The following TDP1 variants were observed in gnomAD, a reference collection of about 807,000 sequenced individuals.
The protein encoded by TDP1 is tyr-DNA phosphodiesterase 1.
Under a neutral mutation model 81.5 loss-of-function variants are expected in TDP1, and 64 were observed. That is an observed-to-expected ratio of 0.79 (90% CI 0.64 to 0.97). The LOEUF (loss-of-function observed/expected upper bound fraction) is 0.97, where lower values mean the gene tolerates loss of function less well. Ranked by LOEUF, TDP1 falls within the 50% of genes least tolerant of loss-of-function variation. The pLI is 0.00. For synonymous variants in TDP1, 256 were observed against 264.3 expected, an observed-to-expected ratio of 0.97 and a Z score of 0.30; for missense variants, 723 against 743.8, an observed-to-expected ratio of 0.97 and a Z score of 0.33.
At chr14:90,010,390 T>C (rs1425519278) in intron 14 of TDP1, among the ~76,000 whole-genome samples, 5 of 152,222 alleles carry the variant, frequency 3.3e-5, no homozygotes, top group Non-Finnish European at 5.9e-5. Context: ...GGCAGAATAA[T>C]GGCCACCCAA....
At chr14:89,984,774 G>C in intron 9 of TDP1, 91 bp downstream of exon 9, 1 of 1,600,610 alleles carries the variant, frequency 6.2e-7, no homozygotes, top group Non-Finnish European at 8.5e-7. Context: ...CTGGAAAGAG[G>C]TGGGGTGAAA....
chr14:90,034,097 T>C (rs1034600795), intron 16 of TDP1, among the ~76,000 whole-genome samples: 3 of 152,140 alleles, frequency 2.0e-5, no homozygotes, highest in African/African-American at 7.2e-5. Context: ...TATGACAATT[T>C]CCAAAAAGAA....
chr14:89,989,306 G>A lies in TDP1; in HGVS notation c.1317+216G>A, dbSNP rs752014168. 543 of 984,996 alleles carry A rather than the reference G, an allele frequency of 5.5e-4. 1 individual carries two copies. Among genetic ancestry groups the A allele is most frequent in the Non-Finnish European group, 6.4e-4 (532 of 829,876 alleles). 61.0% of individuals were successfully genotyped at this position (984,996 alleles called of 1,614,324 possible). On this transcript the variant is annotated intron_variant, in intron 11 of 16. Coordinates refer to ENST00000335725, the MANE Select transcript of TDP1 (RefSeq NM_018319.4). Reference sequence around the variant, plus strand: ...TAATATCCAGTGCTAAGAGCTTGCCGATTCGTTCAGGAGCTCCATTGCAGA... The same window carrying A: ...TAATATCCAGTGCTAAGAGCTTGCCAATTCGTTCAGGAGCTCCATTGCAGA...
chr14:89,971,342 C>T (rs1234285698), intron 6 of TDP1, 71 bp downstream of exon 6: 2 of 1,137,654 alleles, frequency 1.8e-6, no homozygotes, highest in African/African-American at 1.5e-5. Flanking sequence ...TTTAGTCCAC[C>T]CTCTCACTTA....
At chr14:89,973,891 C>G (rs868577968) in intron 6 of TDP1, among the ~76,000 whole-genome samples, 1 of 152,044 alleles carries the variant, frequency 6.6e-6, no homozygotes, top group African/African-American at 2.4e-5. Flanking sequence ...TTATAGATGG[C>G]CACGTTCTCA....
chr14:89,975,538 A>G (rs1225417138), intron 6 of TDP1: 2 of 838,790 alleles, frequency 2.4e-6, no homozygotes, highest in African/African-American at 3.8e-5. Flanking sequence ...AAAATGTAGT[A>G]TATATTCTGT....
At position 89,963,509 on chromosome 14, in the gene TDP1, CTCCCGCCT is replaced by C. The variant is rs1291610728; in HGVS notation, c.396_403del (p.Ala134GlnfsTer10). On this transcript the variant is annotated frameshift_variant, in exon 3 of 17. Transcript: ENST00000335725. LOFTEE classifies it high-confidence loss of function. ...GCCCAAAGAACTGAAAATCATGGCG[CTCCCGCCT>C]GCCACAGGCTCAAAGAGGAGGAAGA... is the stretch of plus-strand genomic sequence containing the variant. The C allele has an allele frequency of 1.9e-6, 3 of 1,603,198 alleles. No individual in the cohort carries two copies. The highest frequency in any genetic ancestry group is 2.6e-6 in the Non-Finnish European group (3 of 1,174,436).
At chr14:89,958,010 T>TGAGC (rs1422520894) in intron 2 of TDP1, among the ~76,000 whole-genome samples, 3 of 152,032 alleles carry the variant, frequency 2.0e-5, no homozygotes, top group Admixed American at 6.5e-5. Context: ...TGTGAGTGAG[T>TGAGC]GAGCAAGCCT....
chr14:89,962,605 T>G (rs936954711), intron 2 of TDP1, among the ~76,000 whole-genome samples: 1 of 152,108 alleles, frequency 6.6e-6, no homozygotes, highest in Non-Finnish European at 1.5e-5. Flanking sequence ...GGCTTATACT[T>G]GTAATCCCAG....
At chr14:89,956,552 C>T (rs1244863789) in intron 1 of TDP1, 26 bp from the exon 2 acceptor site, 1 of 152,412 alleles carries the variant, frequency 6.6e-6, no homozygotes, top group Non-Finnish European at 1.5e-5. Context: ...CTCTCACTTC[C>T]TTTGTCTTCA....
At chr14:90,018,950 C>T (rs1885640849) in intron 14 of TDP1, 1 of 976,852 alleles carries the variant, frequency 1.0e-6, no homozygotes, top group Non-Finnish European at 1.2e-6. Context: ...TATTAACTTT[C>T]TTCTTAAATG....
At chr14:89,995,311 G>C (rs1205750435) in intron 14 of TDP1, among the ~76,000 whole-genome samples, 1 of 152,210 alleles carries the variant, frequency 6.6e-6, no homozygotes, top group Non-Finnish European at 1.5e-5. Context: ...GAGGCACAGA[G>C]TGATTAATAA....
intron 3 of TDP1, among the ~76,000 whole-genome samples, chr14:89,965,155 C>G (rs1375883683): frequency 6.6e-6 from 1 of 152,116 alleles, no homozygotes; most frequent in Non-Finnish European, 1.5e-5. Flanking sequence ...AAGGTAGAAC[C>G]TTCCTTAACA....
chr14:90,008,762 C>G (rs1303317930), intron 14 of TDP1, among the ~76,000 whole-genome samples: 1 of 152,166 alleles, frequency 6.6e-6, no homozygotes, highest in Non-Finnish European at 1.5e-5. Flanking sequence ...CTTGCTGTGT[C>G]ACCCAGGCTG....
rs140217123 is a variant in TDP1, at chr14:90,010,575, C to CGA, written c.1542-8731_1542-8730dup. Among the ~76,000 whole-genome samples, 244 of 151,976 alleles carry CGA rather than the reference C, an allele frequency of 1.6e-3. 1 individual carries two copies. Among genetic ancestry groups the CGA allele is most frequent in the African/African-American group, 5.5e-3 (227 of 41,408 alleles). ...ACTTAAAAGTGGAAGAGGGACAAGT[C>CGA]GAGAGAGAGAGCACTGCATGAAAAA... On this transcript the variant is annotated intron_variant, in intron 14 of 16. Transcript: ENST00000335725.
At chr14:89,995,428 G>C (rs1174622972) in intron 14 of TDP1, among the ~76,000 whole-genome samples, 4 of 152,124 alleles carry the variant, frequency 2.6e-5, no homozygotes, top group Admixed American at 2.0e-4. Flanking sequence ...TAGTGTGCCT[G>C]TTTTCTACAA....
At chr14:89,986,341 C>T (rs1303489093) in intron 10 of TDP1, among the ~76,000 whole-genome samples, 1 of 152,174 alleles carries the variant, frequency 6.6e-6, no homozygotes, top group Non-Finnish European at 1.5e-5. Context: ...CGGTTGTCAT[C>T]TATAAAGTGG....
In TDP1 at chr14:89,963,162, T is replaced by C. The variant is rs773550021; in HGVS notation, c.48T>C (p.Asp16=). ...DYGRWTISSS[D]ESEEEKPKPD... is the part of the protein sequence containing the mutation. ...GGAGGTGGACCATATCTAGTAGTGA[T>C]GAAAGTGAGGAAGAAAAGCCAAAAC... Residue 16 remains aspartate, a synonymous_variant, in exon 3 of 17, where the codon GAT becomes GAC. Transcript: ENST00000335725. The C allele has an allele frequency of 6.2e-7, 1 of 1,614,064 alleles. No individual in the cohort carries two copies. The highest frequency in any genetic ancestry group is 8.5e-7 in the Non-Finnish European group (1 of 1,180,016).
chr14:89,967,187 G>C lies in TDP1; in HGVS notation c.604-180G>C, dbSNP rs568718829. The C allele has an allele frequency of 3.3e-6, 3 of 900,030 alleles. No individual in the cohort carries two copies. In the African/African-American group the frequency reaches 5.4e-5, roughly 16 times the overall value. The allele number at this position is 900,030 out of a possible 1,614,324, so 55.8% of individuals were successfully genotyped here. A position where few individuals can be genotyped will look rare whatever the true frequency, so the allele number is the denominator to read the frequency against. The stretch of plus-strand genomic sequence containing the variant: ...GCTCCATTTAGGTTCTTTTAACCAT[G>C]CATTTAAGATAAATTATAGGTTTGT... On this transcript the variant is annotated intron_variant, in intron 4 of 16. Coordinates refer to ENST00000335725, the MANE Select transcript of TDP1 (RefSeq NM_018319.4).
Sources: gnomAD v4.1 joint callset for allele counts (sites outside exome capture counted in the v4.1 genomes callset) on GRCh38, gnomAD v4.1.1 for gene constraint, MANE v1.5 for transcripts, NCBI Gene and HGNC (gene_info 2026-07-23, HGNC 2026-07-21) for gene names.